Variants in AP3M1 observed in about 807,000 individuals in gnomAD.
AP3M1 encodes the protein AP-3 complex subunit mu-1.
In AP3M1, 29 loss-of-function variants were observed where a neutral mutation model predicts 42.6. The observed-to-expected ratio is 0.68, with a 90% CI of 0.51 to 0.93. The LOEUF is 0.93. AP3M1 is among the 40% of genes least tolerant of loss of function. The pLI is 0.00. For missense variants in AP3M1, 416 were observed against 510.2 expected (o/e 0.82, Z 1.78); for synonymous variants, 178 against 175.3 (o/e 1.02, Z -0.12).
At chr10:74,146,986 G>A (rs145715705) in intron 1 of AP3M1, among the ~76,000 whole-genome samples, 1 of 152,220 alleles carries the variant, frequency 6.6e-6, no homozygotes, top group African/African-American at 2.4e-5. Context: ...GTTAAGCTAC[G>A]AGAATTGAAA....
chr10:74,141,174 G>A (rs1158141773), intron 1 of AP3M1, among the ~76,000 whole-genome samples: 1 of 152,172 alleles, frequency 6.6e-6, no homozygotes. Flanking sequence ...AGGGCCAGGT[G>A]TGGTGACTCA....
Position 74,123,774 on chromosome 10 carries a change from GA to G in AP3M1, c.*35del, listed in dbSNP as rs1840537169. 6.6e-7 allele frequency: 1 copy of G among 1,525,270 alleles called. No individual in the cohort carries two copies. Among genetic ancestry groups the G allele is most frequent in the Non-Finnish European group, 9.1e-7 (1 of 1,099,336 alleles). 94.5% of individuals were successfully genotyped at this position (1,525,270 alleles called of 1,614,324 possible). On this transcript the variant is annotated 3_prime_UTR_variant, in exon 9 of 9. Transcript: ENST00000355264. ...TAGTGATACATCGTAATGACACTTG[GA>G]AAACAAACTGGTCCTGAGGAATTTT...
At chr10:74,126,823 T>C (rs992751015) in intron 6 of AP3M1, among the ~76,000 whole-genome samples, 6 of 151,568 alleles carry the variant, frequency 4.0e-5, no homozygotes, top group Admixed American at 3.9e-4. Flanking sequence ...ATACAAAAAT[T>C]AGCTGGGTGT....
At chr10:74,149,597 A>C (rs1841476616) in intron 1 of AP3M1, among the ~76,000 whole-genome samples, 1 of 152,100 alleles carries the variant, frequency 6.6e-6, no homozygotes, top group South Asian at 2.1e-4. Flanking sequence ...CAAGATTCGT[A>C]AATTAAGATA....
At chr10:74,150,384 G>A (rs1841519958) in intron 1 of AP3M1, 1 of 152,596 alleles carries the variant, frequency 6.6e-6, no homozygotes, top group Admixed American at 6.5e-5. Flanking sequence ...CCTCACCCCA[G>A]GCTCTTCCAG....
intron 1 of AP3M1, among the ~76,000 whole-genome samples, chr10:74,140,687 T>C (rs1397416181): frequency 6.6e-6 from 1 of 152,016 alleles, no homozygotes; most frequent in Non-Finnish European, 1.5e-5. Context: ...CTATGTGGTA[T>C]TGGCACAAGG....
chr10:74,135,142 C>CA (rs1840904037), intron 3 of AP3M1, among the ~76,000 whole-genome samples: 1 of 152,176 alleles, frequency 6.6e-6, no homozygotes, highest in Non-Finnish European at 1.5e-5. Flanking sequence ...AATGTTTGCT[C>CA]ACTGGCTTTA....
At chr10:74,139,141 T>C (rs945005462) in intron 1 of AP3M1, among the ~76,000 whole-genome samples, 1 of 151,502 alleles carries the variant, frequency 6.6e-6, no homozygotes, top group Non-Finnish European at 1.5e-5. Flanking sequence ...GCTTCCAAAT[T>C]GGAAAGGAAG....
chr10:74,125,626 C>A (rs1840590802), intron 7 of AP3M1, among the ~76,000 whole-genome samples: 1 of 152,180 alleles, frequency 6.6e-6, no homozygotes, highest in African/African-American at 2.4e-5. Context: ...AATCAGGAAG[C>A]TGAGAGAAAA....
In AP3M1 at chr10:74,123,720, A is replaced by G. The variant is rs1840535433; in HGVS notation, c.*90T>C. The G allele has an allele frequency of 2.1e-6, 2 of 959,544 alleles. No homozygotes were observed. Among genetic ancestry groups the G allele is most frequent in the Non-Finnish European group, 3.4e-6 (2 of 594,062 alleles). The allele number at this position is 959,544 out of a possible 1,614,324, so 59.4% of individuals were successfully genotyped here. A position where few individuals can be genotyped will look rare whatever the true frequency, so the allele number is the denominator to read the frequency against. On this transcript the variant is annotated 3_prime_UTR_variant, in exon 9 of 9. Transcript: ENST00000355264. ...GCTAGACACAAATGCTTTAACTAGA[A>G]TATGTATTCCCACTCACTTGGTACC...
intron 6 of AP3M1, among the ~76,000 whole-genome samples, chr10:74,126,897 G>A (rs958362061): frequency 6.9e-6 from 1 of 145,320 alleles, no homozygotes; most frequent in Non-Finnish European, 1.5e-5. Context: ...CTTGAACCTG[G>A]GAAGCGGAGA....
At chr10:74,130,723 G>A (rs1265376476) in intron 4 of AP3M1, among the ~76,000 whole-genome samples, 3 of 152,130 alleles carry the variant, frequency 2.0e-5, no homozygotes, top group Non-Finnish European at 2.9e-5. Context: ...GATTACAGGT[G>A]TGAGCTACCA....
At position 74,123,913 on chromosome 10, in the gene AP3M1, G is replaced by C. The variant is rs745517767; in HGVS notation, c.1157-3C>G. ...GTCCAAACGGTTTACTTTTAAGCCT[G>C]TATCAAAAAGAATGAAAAAGAATAA... On this transcript the variant is annotated splice_polypyrimidine_tract_variant and splice_region_variant and intron_variant, in intron 8 of 8. Coordinates refer to ENST00000355264, the MANE Select transcript of AP3M1 (RefSeq NM_012095.6). The C allele has an allele frequency of 6.2e-7, 1 of 1,607,660 alleles. No homozygotes were observed. The highest frequency in any genetic ancestry group is 1.3e-5 in the African/African-American group (1 of 74,754).
chr10:74,144,039 G>GC (rs1174127395), intron 1 of AP3M1, among the ~76,000 whole-genome samples: 1 of 152,084 alleles, frequency 6.6e-6, no homozygotes, highest in Non-Finnish European at 1.5e-5. Context: ...TCTGCTCACT[G>GC]CAAGCTCCGC....
chr10:74,129,852 T>C, intron 5 of AP3M1, 55 bp downstream of exon 5: 1 of 1,084,786 alleles, frequency 9.2e-7, no homozygotes. Context: ...TTTCATTTAG[T>C]ACTTCACATG....
chr10:74,127,468 A>G (rs1050749148), intron 6 of AP3M1, among the ~76,000 whole-genome samples: 14 of 151,788 alleles, frequency 9.2e-5, no homozygotes, highest in African/African-American at 3.4e-4. Flanking sequence ...ACATGGTGAA[A>G]TCCCCTCTCT....
chr10:74,138,518 C>A, intron 1 of AP3M1, 136 bp from the exon 2 acceptor site: 1 of 600,392 alleles, frequency 1.7e-6, no homozygotes. Context: ...AATCAATCAA[C>A]ATGATATACA....
rs2131982662 is a variant in AP3M1, at chr10:74,136,815, C to A, written c.274-12G>T. The A allele has an allele frequency of 6.8e-7, 1 of 1,470,080 alleles. No homozygotes were observed. The highest frequency in any genetic ancestry group is 9.2e-7 in the Non-Finnish European group (1 of 1,092,484). 91.1% of individuals were successfully genotyped at this position (1,470,080 alleles called of 1,614,324 possible). On this transcript the variant is annotated splice_polypyrimidine_tract_variant and intron_variant, in intron 2 of 8. Transcript: ENST00000355264. ...TCACCAAAGTAGTCCTGACAAAATA[C>A]ACACAAAATATCACACAATGGAAGG... is the stretch of plus-strand genomic sequence containing the variant.
intron 1 of AP3M1, among the ~76,000 whole-genome samples, chr10:74,142,412 T>C (rs1190760719): frequency 6.6e-6 from 1 of 152,238 alleles, no homozygotes; most frequent in African/African-American, 2.4e-5. Flanking sequence ...CTTTCTTTTA[T>C]GAAAGCGGCT....
Sources: gnomAD v4.1 joint callset for allele counts (sites outside exome capture counted in the v4.1 genomes callset) on GRCh38, gnomAD v4.1.1 for gene constraint, MANE v1.5 for transcripts, NCBI Gene and HGNC (gene_info 2026-07-23, HGNC 2026-07-21) for gene names.